DPP10: variants seen among roughly 807,000 people sequenced by gnomAD.
DPP10 encodes dipeptidyl peptidase like 10, also known as inactive dipeptidyl peptidase 10.
Under a neutral mutation model 120.9 loss-of-function variants are expected in DPP10, and 33 were observed. The ratio of observed to expected loss-of-function variants is 0.27; its 90% confidence interval spans 0.21 to 0.37. The LOEUF is 0.37. Among genes scored for constraint, DPP10 ranks in the 10% least tolerant of loss-of-function variants. The pLI, the probability that DPP10 is intolerant of heterozygous loss-of-function variation, is 1.00. For synonymous variants in DPP10, 337 were observed against 326.1 expected, an observed-to-expected ratio of 1.03 and a Z score of -0.36; for missense variants, 816 against 942.8, an observed-to-expected ratio of 0.87 and a Z score of 1.76.
intron 1 of DPP10, among the ~76,000 whole-genome samples, chr2:114,591,753 C>A (rs1691484242): frequency 6.6e-6 from 1 of 151,942 alleles, no homozygotes; most frequent in Non-Finnish European, 1.5e-5. Context: ...CAGGGTTTCA[C>A]CATGTTGGTC....
In DPP10 at chr2:114,942,318, T is replaced by TAC. The variant is rs1330387280; in HGVS notation, c.61-366920_61-366919insCA. ...ATATACATATATATATATATATATATATACACACACATATATATATACGTA... is the reference window on the plus strand; with the variant it reads ...ATATACATATATATATATATATATATACATACACACACATATATATATACGTA... On this transcript the variant is annotated intron_variant, in intron 1 of 25. Coordinates refer to ENST00000410059, the MANE Select transcript of DPP10 (RefSeq NM_020868.6). 1.5e-3 allele frequency among the ~76,000 whole-genome samples: 185 copies of TAC among 123,972 alleles called. 3 individuals are homozygous for TAC. Among genetic ancestry groups the TAC allele is most frequent in the African/African-American group, 3.8e-3 (126 of 33,082 alleles). The allele number at this position is 123,972 out of a possible 152,430, so 81.3% of individuals were successfully genotyped here.
intron 5 of DPP10, among the ~76,000 whole-genome samples, chr2:115,583,169 G>A (rs1175926697): frequency 6.6e-6 from 1 of 152,216 alleles, no homozygotes; most frequent in South Asian, 2.1e-4. Context: ...AGACTTCATA[G>A]TTGTCAGGGC....
intron 1 of DPP10, among the ~76,000 whole-genome samples, chr2:114,460,986 G>A (rs1678879795): frequency 6.6e-6 from 1 of 152,146 alleles, no homozygotes; most frequent in South Asian, 2.1e-4. Flanking sequence ...TGTGTTTTAT[G>A]CGGCTTTTTA....
At chr2:115,266,124 T>C (rs563681979) in intron 1 of DPP10, among the ~76,000 whole-genome samples, 1 of 152,222 alleles carries the variant, frequency 6.6e-6, no homozygotes, top group African/African-American at 2.4e-5. Flanking sequence ...GCAAGACATA[T>C]TTTAGAAGCT....
At chr2:114,637,819 T>A (rs1695408297) in intron 1 of DPP10, among the ~76,000 whole-genome samples, 2 of 151,810 alleles carry the variant, frequency 1.3e-5, no homozygotes, top group African/African-American at 4.9e-5. Context: ...ATTTCTAGGT[T>A]TTCCGTTCTG....
chr2:114,890,861 T>C (rs1310316442), intron 1 of DPP10, among the ~76,000 whole-genome samples: 1 of 151,796 alleles, frequency 6.6e-6, no homozygotes, highest in Non-Finnish European at 1.5e-5. Context: ...CCGAGTTTTA[T>C]CTGCTACTGG....
intron 1 of DPP10, among the ~76,000 whole-genome samples, chr2:114,843,526 T>C (rs564597348): frequency 2.6e-5 from 4 of 152,294 alleles, no homozygotes; most frequent in African/African-American, 9.6e-5. Flanking sequence ...ATCTATGGCT[T>C]ATTTTTAGAA....
At chr2:114,800,725 T>C (rs982785913) in intron 1 of DPP10, among the ~76,000 whole-genome samples, 1 of 152,210 alleles carries the variant, frequency 6.6e-6, no homozygotes, top group African/African-American at 2.4e-5. Context: ...CATGAAATAA[T>C]TGAAGCTTGA....
chr2:115,556,802 C>G (rs1575169311), intron 5 of DPP10, among the ~76,000 whole-genome samples: 1 of 152,226 alleles, frequency 6.6e-6, no homozygotes, highest in East Asian at 1.9e-4. Context: ...CTTTCACTAT[C>G]TGAAAACGGC....
At chr2:115,034,501 C>T (rs1439899035) in intron 1 of DPP10, among the ~76,000 whole-genome samples, 1 of 152,162 alleles carries the variant, frequency 6.6e-6, no homozygotes, top group East Asian at 1.9e-4. Flanking sequence ...ATTTCCAAAA[C>T]CAAACACATG....
chr2:115,773,943 T>C (rs917107996), intron 13 of DPP10, among the ~76,000 whole-genome samples: 2 of 152,090 alleles, frequency 1.3e-5, no homozygotes, highest in African/African-American at 4.8e-5. Flanking sequence ...TTGTTCCCCA[T>C]ACCATATTTG....
chr2:114,693,088 G>A (rs1298603823), intron 1 of DPP10, among the ~76,000 whole-genome samples: 4 of 151,896 alleles, frequency 2.6e-5, no homozygotes, highest in African/African-American at 9.7e-5. Context: ...TTTAAGATTA[G>A]TATTGTTATG....
chr2:115,556,746 A>G (rs2080241520), intron 5 of DPP10, among the ~76,000 whole-genome samples: 1 of 152,160 alleles, frequency 6.6e-6, no homozygotes, highest in South Asian at 2.1e-4. Context: ...TAAAATGGTG[A>G]CATCTAATAT....
intron 1 of DPP10, among the ~76,000 whole-genome samples, chr2:115,178,319 A>G (rs1559191862): frequency 1.3e-5 from 2 of 152,124 alleles, no homozygotes; most frequent in Non-Finnish European, 2.9e-5. Context: ...GGGGCAGACA[A>G]TCCAGGTTCA....
chr2:114,749,548 C>CTTTTATTTTATTTTATTTTA (rs374862583), intron 1 of DPP10, among the ~76,000 whole-genome samples: 15,687 of 125,526 alleles, frequency 0.12, 1,543 homozygotes, highest in Middle Eastern at 0.15. Context: ...TCTAGCACTG[C>CTTTTATTTTATTTTATTTTA]TTTTATTTTA....
chr2:115,650,415 G>T (rs115182994), intron 5 of DPP10, among the ~76,000 whole-genome samples: 2 of 145,464 alleles, frequency 1.4e-5, no homozygotes, highest in Admixed American at 6.9e-5. Flanking sequence ...GGGAAAGGGG[G>T]GGGGGGATAA....
intron 3 of DPP10, among the ~76,000 whole-genome samples, chr2:115,465,687 G>T (rs1029842317): frequency 6.6e-6 from 1 of 152,070 alleles, no homozygotes; most frequent in African/African-American, 2.4e-5. Flanking sequence ...GCCAGGGGTG[G>T]TGGCGCATAT....
rs187853507 is a variant in DPP10 at position 114,517,326 on chromosome 2, G to C, written c.60+74488G>C. ...ACCTGATGTCAGGAGTTCGAGACCA[G>C]CCTGGCCAACATGGTGAAACCCCAT... On this transcript the variant is annotated intron_variant, in intron 1 of 25. Coordinates refer to ENST00000410059, the MANE Select transcript of DPP10 (RefSeq NM_020868.6). Among the ~76,000 whole-genome samples the C allele has an allele frequency of 1.6e-3, 246 of 152,240 alleles. 3 individuals carry two copies. The highest frequency in any genetic ancestry group is 5.7e-3 in the African/African-American group (238 of 41,536).
chr2:115,819,743 C>A lies in DPP10; in HGVS notation c.1950+4014C>A, dbSNP rs1687615929. On this transcript the variant is annotated intron_variant, in intron 21 of 25. Transcript: ENST00000410059. ...GTTTGGTGGCTCACACCTGTAATCCCAGCACCTTGGGAGGCCGAGGTGGGC... is the reference window on the plus strand; with the variant it reads ...GTTTGGTGGCTCACACCTGTAATCCAAGCACCTTGGGAGGCCGAGGTGGGC... 3.3e-5 allele frequency among the ~76,000 whole-genome samples: 5 copies of A among 152,270 alleles called. No homozygotes were observed. In the South Asian group the frequency reaches 8.3e-4, roughly 25 times the overall value.
Sources: gnomAD v4.1 joint callset for allele counts (sites outside exome capture counted in the v4.1 genomes callset) on GRCh38, gnomAD v4.1.1 for gene constraint, MANE v1.5 for transcripts, NCBI Gene and HGNC (gene_info 2026-07-23, HGNC 2026-07-21) for gene names.